MAJIN: variants seen among roughly 807,000 people sequenced by gnomAD.
MAJIN encodes membrane anchored junction protein.
A neutral mutation model predicts 30.2 loss-of-function variants in MAJIN; 27 were observed. The ratio of observed to expected loss-of-function variants is 0.89; its 90% CI spans 0.66 to 1.23. The LOEUF is 1.23. Among genes scored for constraint, MAJIN ranks in the 50% most tolerant of loss-of-function variants. The probability of loss-of-function intolerance (pLI) is 0.00; values close to 1 mark genes in which losing one functional copy is unlikely to be tolerated. For missense variants in MAJIN, 253 were observed against 260.3 expected, an observed-to-expected ratio of 0.97 and a Z score of 0.19; for synonymous variants, 78 against 91.6, an observed-to-expected ratio of 0.85 and a Z score of 0.85.
chr11:64,951,777 A>T (rs959728560), intron 4 of MAJIN, among the ~76,000 whole-genome samples: 1 of 152,214 alleles, frequency 6.6e-6, no homozygotes, highest in African/African-American at 2.4e-5. Flanking sequence ...AAAAAAAAAA[A>T]AAAAAAAAAG....
At chr11:64,967,202 G>A (rs1321141558) in intron 1 of MAJIN, among the ~76,000 whole-genome samples, 1 of 152,052 alleles carries the variant, frequency 6.6e-6, no homozygotes, top group East Asian at 1.9e-4. Flanking sequence ...GAGGTCAGGA[G>A]TTCGAGACGA....
intron 1 of MAJIN, among the ~76,000 whole-genome samples, chr11:64,966,389 G>T (rs1276170339): frequency 1.3e-5 from 2 of 151,510 alleles, no homozygotes; most frequent in Non-Finnish European, 2.9e-5. Context: ...ACAAAAATTA[G>T]CCAGGCATTG....
intron 6 of MAJIN, 39 bp from the exon 7 acceptor site, chr11:64,947,858 C>CT (rs35160886): frequency 0.1 from 121,130 of 1,196,338 alleles, 121 homozygotes; most frequent in Non-Finnish European, 0.11. Context: ...AGATTTAAGA[C>CT]TTTTTTTTTT....
At chr11:64,968,010 G>A (rs1945838922) in intron 1 of MAJIN, among the ~76,000 whole-genome samples, 1 of 152,100 alleles carries the variant, frequency 6.6e-6, no homozygotes, top group South Asian at 2.1e-4. Context: ...ATGGAAAGGA[G>A]CAACGATCAC....
In MAJIN at chr11:64,947,886, G is replaced by T. The variant is rs116093361; in HGVS notation, c.350-67C>A. On this transcript the variant is annotated intron_variant, in intron 6 of 10. Coordinates refer to ENST00000301896, the MANE Select transcript of MAJIN (RefSeq NM_001037225.3). ...TTTTTTTTTTTTTTTTGGAGATTAAGTCTCTCTCTGTCACCCAGACTGGAG... is the reference window on the plus strand; with the variant it reads ...TTTTTTTTTTTTTTTTGGAGATTAATTCTCTCTCTGTCACCCAGACTGGAG... The T allele has an allele frequency of 4.3e-3, 5,875 of 1,363,954 alleles. 217 individuals are homozygous for T. In the African/African-American group the frequency reaches 0.081, roughly 19 times the overall value. The allele number at this position is 1,363,954 out of a possible 1,614,324, so 84.5% of individuals were successfully genotyped here. A position where few individuals can be genotyped will look rare whatever the true frequency, so the allele number is the denominator to read the frequency against.
intron 3 of MAJIN, among the ~76,000 whole-genome samples, chr11:64,955,614 T>A (rs541285105): frequency 6.6e-6 from 1 of 152,302 alleles, no homozygotes; most frequent in South Asian, 2.1e-4. Context: ...GCATGTCAAC[T>A]CAAGGAAAAG....
intron 1 of MAJIN, among the ~76,000 whole-genome samples, chr11:64,964,626 ACT>A (rs1298036141): frequency 4.0e-5 from 6 of 149,892 alleles, no homozygotes; most frequent in African/African-American, 1.5e-4. Context: ...ACAGAGTCTC[ACT>A]CTGTCACCCA....
chr11:64,939,400 C>T (rs190061687), intron 10 of MAJIN, among the ~76,000 whole-genome samples: 32 of 152,266 alleles, frequency 2.1e-4, no homozygotes, highest in Non-Finnish European at 4.3e-4. Flanking sequence ...CGGCCTGGCC[C>T]AAGTTAATGT....
At chr11:64,948,395 G>A (rs1850262643) in intron 6 of MAJIN, among the ~76,000 whole-genome samples, 2 of 151,464 alleles carry the variant, frequency 1.3e-5, no homozygotes, top group African/African-American at 4.8e-5. Context: ...CAAATGAAAA[G>A]GGGAGATATT....
chr11:64,948,602 C>CATTCATAT (rs1179607088), intron 6 of MAJIN, among the ~76,000 whole-genome samples: 1,317 of 19,392 alleles, frequency 0.068, 318 homozygotes, highest in Non-Finnish European at 0.085. Flanking sequence ...CGGGCTACAT[C>CATTCATAT]ATATATATAT....
At chr11:64,950,464 T>C (rs780744942) in intron 4 of MAJIN, 34 bp from the exon 5 acceptor site, 4 of 1,581,326 alleles carry the variant, frequency 2.5e-6, no homozygotes, top group Admixed American at 3.4e-5. Context: ...TTTAACACTG[T>C]TGAGTCTCAG....
chr11:64,966,929 CAAAAA>C (rs111480545), intron 1 of MAJIN, among the ~76,000 whole-genome samples: 1 of 69,584 alleles, frequency 1.4e-5, no homozygotes, highest in African/African-American at 5.3e-5. Flanking sequence ...ATGACTGTCT[CAAAAA>C]AAAAAAAAAA....
intron 3 of MAJIN, among the ~76,000 whole-genome samples, chr11:64,958,191 C>T (rs1041971130): frequency 6.6e-6 from 1 of 151,232 alleles, no homozygotes; most frequent in Non-Finnish European, 1.5e-5. Flanking sequence ...TTCACCCCCC[C>T]GCCCCACCTC....
chr11:64,943,770 T>G (rs1015871891), intron 8 of MAJIN, among the ~76,000 whole-genome samples: 2 of 152,330 alleles, frequency 1.3e-5, no homozygotes, highest in African/African-American at 4.8e-5. Context: ...AAACTAAGAA[T>G]AGGAAGATAC....
chr11:64,949,955 T>C (rs1246756608), intron 5 of MAJIN, 87 bp from the exon 6 acceptor site: 2 of 1,499,712 alleles, frequency 1.3e-6, no homozygotes, highest in Non-Finnish European at 9.0e-7. Flanking sequence ...CTCCTTCCCC[T>C]GACCTACCCT....
At chr11:64,952,484 G>A (rs189896371) in intron 4 of MAJIN, among the ~76,000 whole-genome samples, 58 of 151,818 alleles carry the variant, frequency 3.8e-4, no homozygotes, top group South Asian at 2.5e-3. Context: ...CACAGAGCCC[G>A]GCTGTGTTTT....
chr11:64,969,998 G>A lies in MAJIN; in HGVS notation c.-65+1879C>T, dbSNP rs907244974. On this transcript the variant is annotated intron_variant, in intron 1 of 10. Coordinates refer to ENST00000301896, the MANE Select transcript of MAJIN (RefSeq NM_001037225.3). Reference sequence around the variant, plus strand: ...GATGCCAATGAGATAGCCAAAGAGAGATTCTAGATAAGACTGCTGGAAACT... The same window carrying A: ...GATGCCAATGAGATAGCCAAAGAGAAATTCTAGATAAGACTGCTGGAAACT... Among the ~76,000 whole-genome samples the A allele has an allele frequency of 2.0e-5, 3 of 152,104 alleles. No individual in the cohort carries two copies. In the East Asian group the frequency reaches 5.8e-4, roughly 29 times the overall value.
chr11:64,947,859 T>C (rs1945475147), intron 6 of MAJIN, 40 bp from the exon 7 acceptor site: 2 of 222,592 alleles, frequency 9.0e-6, no homozygotes, highest in Admixed American at 6.4e-5. Flanking sequence ...GATTTAAGAC[T>C]TTTTTTTTTT....
At position 64,964,268 on chromosome 11, in the gene MAJIN, G is replaced by A. The variant is rs567949804; in HGVS notation, c.-64-4133C>T. Among the ~76,000 whole-genome samples the A allele has an allele frequency of 1.3e-3, 198 of 152,192 alleles. 1 individual carries two copies. The highest frequency in any genetic ancestry group is 4.5e-3 in the African/African-American group (187 of 41,540). On this transcript the variant is annotated intron_variant, in intron 1 of 10. Coordinates refer to ENST00000301896, the MANE Select transcript of MAJIN (RefSeq NM_001037225.3). ...CTCCTTTCACTTTCAAAAGTCCTTGGCTGGTCTCAGAGGTCTGTCCACCTT... is the reference window on the plus strand; with the variant it reads ...CTCCTTTCACTTTCAAAAGTCCTTGACTGGTCTCAGAGGTCTGTCCACCTT...
Sources: gnomAD v4.1 joint callset for allele counts (sites outside exome capture counted in the v4.1 genomes callset) on GRCh38, gnomAD v4.1.1 for gene constraint, MANE v1.5 for transcripts, NCBI Gene and HGNC (gene_info 2026-07-23, HGNC 2026-07-21) for gene names.